The following ELOVL2 variants were observed in gnomAD, a reference collection of about 807,000 sequenced individuals.
The protein encoded by ELOVL2 is ELOVL fatty acid elongase 2, also known as very long chain fatty acid elongase 2.
A neutral mutation model predicts 37.7 loss-of-function variants in ELOVL2; 38 were observed. The observed-to-expected ratio is 1.01, with a 90% CI of 0.78 to 1.32. The LOEUF (loss-of-function observed/expected upper bound fraction) is 1.32. ELOVL2 is among the 40% of genes most tolerant of loss of function. ELOVL2 has a pLI of 0.00. For synonymous variants in ELOVL2, 115 were observed against 122.3 expected (o/e 0.94, Z 0.40); for missense variants, 352 against 363.6 (o/e 0.97, Z 0.26).
chr6:11,014,332 G>A (rs1782635947), intron 1 of ELOVL2, among the ~76,000 whole-genome samples: 1 of 151,776 alleles, frequency 6.6e-6, no homozygotes, highest in Non-Finnish European at 1.5e-5. Context: ...TACAAAAATT[G>A]GCCGGGCGTG....
In ELOVL2 at chr6:11,042,618, C is replaced by T. The variant is rs55647074; in HGVS notation, c.3+1610G>A. Among the ~76,000 whole-genome samples, 834 of 151,930 alleles carry T rather than the reference C, an allele frequency of 5.5e-3. 6 individuals carry two copies. The highest frequency in any genetic ancestry group is 0.027 in the South Asian group (130 of 4,788). On this transcript the variant is annotated intron_variant, in intron 1 of 7. Transcript: ENST00000354666. Reference sequence around the variant, plus strand: ...CAGTTGGTCCTAAAAATGCTTTGTCCACTCTGATGCCAAGGTGCAAAGAGC... The same window carrying T: ...CAGTTGGTCCTAAAAATGCTTTGTCTACTCTGATGCCAAGGTGCAAAGAGC...
chr6:11,026,699 G>A (rs530027045), intron 1 of ELOVL2, among the ~76,000 whole-genome samples: 9 of 152,186 alleles, frequency 5.9e-5, no homozygotes, highest in Admixed American at 2.6e-4. Flanking sequence ...CTCTTACCTC[G>A]TACTAAAAGG....
intron 5 of ELOVL2, among the ~76,000 whole-genome samples, chr6:10,993,323 T>C (rs1403155375): frequency 2.6e-5 from 4 of 152,252 alleles, no homozygotes; most frequent in African/African-American, 4.8e-5. Context: ...CATCTTCATG[T>C]AGAGAGCTCT....
At chr6:11,011,189 C>G (rs1782573803) in intron 1 of ELOVL2, among the ~76,000 whole-genome samples, 1 of 151,738 alleles carries the variant, frequency 6.6e-6, no homozygotes, top group Non-Finnish European at 1.5e-5. Flanking sequence ...ATGGTGAAAC[C>G]CCATCTCTAC....
intron 1 of ELOVL2, among the ~76,000 whole-genome samples, chr6:11,023,953 T>C (rs748172944): frequency 5.9e-5 from 9 of 152,228 alleles, no homozygotes; most frequent in African/African-American, 1.2e-4. Flanking sequence ...CTTTAGATAA[T>C]TGAATTTCAT....
chr6:10,989,638 T>TG lies in ELOVL2; in HGVS notation c.765+64_765+65insC, dbSNP rs1782110120. On this transcript the variant is annotated intron_variant, in intron 7 of 7. Coordinates refer to ENST00000354666, the MANE Select transcript of ELOVL2 (RefSeq NM_017770.4). ...TGGGCAATAAGAGCGAAACTCTGTC[T>TG]CCAAAAAAAAAAAAATAGTGCCAAT... The TG allele has an allele frequency of 5.1e-6, 7 of 1,375,300 alleles. No homozygotes were observed. In the South Asian group the frequency reaches 9.0e-5, roughly 18 times the overall value. The allele number at this position is 1,375,300 out of a possible 1,614,324, so 85.2% of individuals were successfully genotyped here.
intron 5 of ELOVL2, 22 bp from the exon 6 acceptor site, chr6:10,990,464 A>C (rs1385115346): frequency 6.4e-7 from 1 of 1,557,552 alleles, no homozygotes; most frequent in Non-Finnish European, 8.6e-7. Context: ...CAGTATAAAA[A>C]TCACTATTCT....
intron 1 of ELOVL2, among the ~76,000 whole-genome samples, chr6:11,030,939 G>A (rs1019569508): frequency 3.3e-5 from 5 of 152,152 alleles, no homozygotes; most frequent in African/African-American, 1.2e-4. Flanking sequence ...CAATCAACTT[G>A]ATGTCAAGCC....
At chr6:11,032,250 T>G (rs1220139010) in intron 1 of ELOVL2, among the ~76,000 whole-genome samples, 1 of 151,216 alleles carries the variant, frequency 6.6e-6, no homozygotes, top group Non-Finnish European at 1.5e-5. Flanking sequence ...AGTTGTTCCA[T>G]CATATTATTA....
At chr6:11,032,792 A>G (rs1459604153) in intron 1 of ELOVL2, among the ~76,000 whole-genome samples, 2 of 152,216 alleles carry the variant, frequency 1.3e-5, no homozygotes, top group Non-Finnish European at 2.9e-5. Context: ...GACAGATAAT[A>G]CACAAGTAAA....
At chr6:11,043,932 CAG>C (rs1428030763) in intron 1 of ELOVL2, 1 of 283,424 alleles carries the variant, frequency 3.5e-6, no homozygotes, top group Non-Finnish European at 6.5e-6. Flanking sequence ...GTGCATGCAA[CAG>C]GGGACTGGGC....
At chr6:10,996,284 TA>T (rs891290434) in intron 4 of ELOVL2, among the ~76,000 whole-genome samples, 1 of 152,166 alleles carries the variant, frequency 6.6e-6, no homozygotes, top group African/African-American at 2.4e-5. Flanking sequence ...AAACTACAAA[TA>T]AATATAAAAC....
intron 1 of ELOVL2, among the ~76,000 whole-genome samples, chr6:11,028,220 GT>G (rs1037747731): frequency 2.0e-5 from 3 of 152,154 alleles, no homozygotes; most frequent in Non-Finnish European, 4.4e-5. Context: ...TGGAGATTTG[GT>G]TTCTAGCTTT....
chr6:10,990,674 C>G (rs890409179), intron 5 of ELOVL2, among the ~76,000 whole-genome samples: 3 of 40,118 alleles, frequency 7.5e-5, no homozygotes, highest in Admixed American at 4.2e-4. Flanking sequence ...AATGCCCCCC[C>G]CCCGCCACAC....
intron 5 of ELOVL2, among the ~76,000 whole-genome samples, chr6:10,990,673 C>CT (rs5874300): frequency 1.3e-5 from 2 of 150,570 alleles, no homozygotes; most frequent in Non-Finnish European, 2.9e-5. Flanking sequence ...GAATGCCCCC[C>CT]CCCCGCCACA....
rs906784697 is a variant in ELOVL2, at chr6:10,994,393, A to T, written c.505+614T>A. On this transcript the variant is annotated intron_variant, in intron 5 of 7. Coordinates refer to ENST00000354666, the MANE Select transcript of ELOVL2 (RefSeq NM_017770.4). Reference sequence around the variant, plus strand: ...TGAGGCAGGAAAATTGCTTGAACCCAGGAGGTGGAGGTTGCAGTGAGCTGA... The same window carrying T: ...TGAGGCAGGAAAATTGCTTGAACCCTGGAGGTGGAGGTTGCAGTGAGCTGA... Among the ~76,000 whole-genome samples, 4 of 150,974 alleles carry T rather than the reference A, an allele frequency of 2.6e-5. No homozygotes were observed. The Admixed American group carries it at 2.7e-4, about 10-fold the overall frequency.
At chr6:11,033,782 A>T (rs1782969161) in intron 1 of ELOVL2, among the ~76,000 whole-genome samples, 1 of 152,216 alleles carries the variant, frequency 6.6e-6, no homozygotes, top group Non-Finnish European at 1.5e-5. Flanking sequence ...AAAATCCTTA[A>T]TGTCGAAACT....
At position 10,980,935 on chromosome 6, in the gene ELOVL2, CA is replaced by C. The variant is rs1354419645; in HGVS notation, c.*2845del. ...CATATTTTCCAAACAAGGAAGCCCC[CA>C]GACACATTTATGAACGATATGGAAA... On this transcript the variant is annotated 3_prime_UTR_variant, in exon 8 of 8. Transcript: ENST00000354666. 3.3e-5 allele frequency: 5 copies of C among 152,522 alleles called. No homozygotes were observed. The highest frequency in any genetic ancestry group is 1.2e-4 in the African/African-American group (5 of 41,402). 9.4% of individuals were successfully genotyped at this position (152,522 alleles called of 1,614,324 possible). A position where few individuals can be genotyped will look rare whatever the true frequency, so the allele number is the denominator to read the frequency against.
Position 10,983,806 on chromosome 6 carries a change from C to T in ELOVL2, c.866G>A (p.Gly289Glu). The change falls in exon 8 of 8, where the codon GGA (glycine) becomes GAA (glutamate). Residue 289 changes from glycine to glutamate, a missense_variant. Coordinates refer to ENST00000354666, the MANE Select transcript of ELOVL2 (RefSeq NM_017770.4). ...FSKAYFTAAN[G>E]VMNKKAQ Reference sequence around the variant, plus strand: ...TTATTGTGCTTTCTTGTTCATCACTCCATTTGCTGCAGTGAAGTAGGCTTT... The same window carrying T: ...TTATTGTGCTTTCTTGTTCATCACTTCATTTGCTGCAGTGAAGTAGGCTTT... The T allele has an allele frequency of 6.2e-7, 1 of 1,611,870 alleles. No homozygotes were observed. Among genetic ancestry groups the T allele is most frequent in the Non-Finnish European group, 8.5e-7 (1 of 1,179,382 alleles).
Sources: gnomAD v4.1 joint callset for allele counts (sites outside exome capture counted in the v4.1 genomes callset) on GRCh38, gnomAD v4.1.1 for gene constraint, MANE v1.5 for transcripts, NCBI Gene and HGNC (gene_info 2026-07-23, HGNC 2026-07-21) for gene names.